Variants in OXR1 observed in about 807,000 individuals in gnomAD.
OXR1 encodes the protein oxidation resistance 1.
A neutral mutation model predicts 104.6 loss-of-function variants in OXR1; 41 were observed. The ratio of observed to expected loss-of-function variants is 0.39; its 90% confidence interval spans 0.31 to 0.51. OXR1 has a LOEUF of 0.51. Among genes scored for constraint, OXR1 ranks in the 20% least tolerant of loss-of-function variants. The probability of loss-of-function intolerance (pLI) is 0.77; values close to 1 mark genes in which losing one functional copy is unlikely to be tolerated. For synonymous variants in OXR1, 348 were observed against 348.4 expected (o/e 1.00, Z 0.01); for missense variants, 955 against 1,031.9 (o/e 0.93, Z 1.02).
chr8:106,366,492 A>G (rs908845005), intron 2 of OXR1, among the ~76,000 whole-genome samples: 1 of 152,256 alleles, frequency 6.6e-6, no homozygotes, highest in Non-Finnish European at 1.5e-5. Context: ...TACTTTCAGC[A>G]TGATCAAATA....
intron 2 of OXR1, among the ~76,000 whole-genome samples, chr8:106,482,690 A>G (rs965158): frequency 0.054 from 8,165 of 152,110 alleles, 292 homozygotes; most frequent in African/African-American, 0.091. Context: ...AGATATCCAT[A>G]GACTTAAATA....
Position 106,522,833 on chromosome 8 carries a change from G to A in OXR1, c.220+3694G>A, listed in dbSNP as rs374591706. The stretch of plus-strand genomic sequence containing the variant: ...GAAAGTACTGTATAAGTTTTCTATT[G>A]CTGTGAAACAAAATACCACAACGTT... On this transcript the variant is annotated intron_variant, in intron 3 of 16. Coordinates refer to ENST00000517566, the MANE Select transcript of OXR1 (RefSeq NM_001198533.2). 70 of 149,966 alleles carry A rather than the reference G, an allele frequency of 4.7e-4. 1 individual carries two copies. The highest frequency in any genetic ancestry group is 1.7e-3 in the African/African-American group (68 of 40,908). 9.3% of individuals were successfully genotyped at this position (149,966 alleles called of 1,614,324 possible).
intron 7 of OXR1, among the ~76,000 whole-genome samples, chr8:106,702,083 C>T (rs1204338231): frequency 2.0e-5 from 3 of 152,166 alleles, no homozygotes; most frequent in Non-Finnish European, 4.4e-5. Context: ...GATTTGCATG[C>T]CTAAGCCTCC....
chr8:106,434,944 G>C (rs1334379528), intron 2 of OXR1, among the ~76,000 whole-genome samples: 2 of 152,078 alleles, frequency 1.3e-5, no homozygotes, highest in African/African-American at 4.8e-5. Context: ...GCATCCCATG[G>C]TGAGATGACC....
chr8:106,362,056 C>T (rs1816269818), intron 2 of OXR1, among the ~76,000 whole-genome samples: 1 of 152,148 alleles, frequency 6.6e-6, no homozygotes, highest in African/African-American at 2.4e-5. Flanking sequence ...GAGGATCCAC[C>T]TGCTAAACAC....
At chr8:106,556,573 A>G (rs1340078725) in intron 3 of OXR1, among the ~76,000 whole-genome samples, 1 of 152,214 alleles carries the variant, frequency 6.6e-6, no homozygotes, top group Non-Finnish European at 1.5e-5. Context: ...TCTGGGAAAC[A>G]GGATTATAGA....
intron 2 of OXR1, among the ~76,000 whole-genome samples, chr8:106,454,522 T>G (rs987290451): frequency 1.3e-5 from 2 of 151,844 alleles, no homozygotes; most frequent in African/African-American, 4.8e-5. Context: ...TAATTTTATT[T>G]CAAGTTGCTG....
chr8:106,364,145 G>A (rs1229656067), intron 2 of OXR1, among the ~76,000 whole-genome samples: 2 of 152,020 alleles, frequency 1.3e-5, no homozygotes, highest in Non-Finnish European at 2.9e-5. Context: ...AGTTATTAAT[G>A]TTTTGACTAA....
intron 3 of OXR1, among the ~76,000 whole-genome samples, chr8:106,618,927 A>G (rs899137177): frequency 1.3e-5 from 2 of 152,008 alleles, no homozygotes; most frequent in Non-Finnish European, 2.9e-5. Flanking sequence ...CCAAAATAAC[A>G]TTATCATTAA....
intron 3 of OXR1, among the ~76,000 whole-genome samples, chr8:106,662,839 G>GATGAT (rs1825897957): frequency 2.0e-5 from 3 of 149,002 alleles, no homozygotes; most frequent in Admixed American, 6.7e-5. Context: ...TCAGTAAATG[G>GATGAT]GATGATGATG....
intron 2 of OXR1, among the ~76,000 whole-genome samples, chr8:106,383,048 G>C (rs1186214799): frequency 6.6e-6 from 1 of 151,732 alleles, no homozygotes; most frequent in African/African-American, 2.4e-5. Flanking sequence ...GGGGAGACTT[G>C]AAGAATATGA....
At chr8:106,296,695 C>A (rs1813010887) in intron 1 of OXR1, among the ~76,000 whole-genome samples, 1 of 152,136 alleles carries the variant, frequency 6.6e-6, no homozygotes, top group African/African-American at 2.4e-5. Context: ...TAAATATCAT[C>A]TCTGGCTGTC....
At chr8:106,728,625 TTATC>T (rs1462463368) in intron 11 of OXR1, among the ~76,000 whole-genome samples, 1 of 152,188 alleles carries the variant, frequency 6.6e-6, no homozygotes, top group Non-Finnish European at 1.5e-5. Flanking sequence ...TTAAGTTTTG[TTATC>T]TTTTATTTTT....
intron 3 of OXR1, among the ~76,000 whole-genome samples, chr8:106,589,232 C>G (rs1278197811): frequency 6.6e-6 from 1 of 152,016 alleles, no homozygotes; most frequent in Non-Finnish European, 1.5e-5. Context: ...GCCATTGTCT[C>G]AAGACACCCT....
rs1288359319 is a variant in OXR1 at position 106,706,461 on chromosome 8, A to G, written c.940A>G (p.Arg314Gly). Residue 314 changes from arginine (R) to glycine (G), a missense_variant, in exon 9 of 17, where the codon AGA (arginine) becomes GGA (glycine). This residue lies in a region of OXR1 where 849 missense variants were observed against 852.9 expected (regional missense o/e 1.00). Coordinates refer to ENST00000517566, the MANE Select transcript of OXR1 (RefSeq NM_001198533.2). ...TGSNTEEIDS[R>G]IRDAGNDSAS... Reference sequence around the variant, plus strand: ...AAGTAACACTGAGGAAATAGACTCAAGAATCCGAGATGCAGGTAATGATAG... The same window carrying G: ...AAGTAACACTGAGGAAATAGACTCAGGAATCCGAGATGCAGGTAATGATAG... The G allele has an allele frequency of 6.3e-7, 1 of 1,596,956 alleles. No individual in the cohort carries two copies. Among genetic ancestry groups the G allele is most frequent in the Non-Finnish European group, 8.5e-7 (1 of 1,175,672 alleles).
intron 3 of OXR1, among the ~76,000 whole-genome samples, chr8:106,583,342 A>G (rs932964475): frequency 1.3e-5 from 2 of 152,322 alleles, no homozygotes; most frequent in Non-Finnish European, 2.9e-5. Context: ...GCCTGATAGG[A>G]CAAACTTAAA....
At chr8:106,298,689 T>G (rs1298870803) in intron 1 of OXR1, among the ~76,000 whole-genome samples, 2 of 152,138 alleles carry the variant, frequency 1.3e-5, no homozygotes, top group African/African-American at 4.8e-5. Context: ...CATAGCTGAT[T>G]TGAGCTATAG....
intron 3 of OXR1, among the ~76,000 whole-genome samples, chr8:106,678,953 C>T (rs1183072700): frequency 3.3e-5 from 5 of 151,838 alleles, no homozygotes; most frequent in Non-Finnish European, 7.4e-5. Context: ...TAATGACTTC[C>T]TTTCTGTTGA....
At chr8:106,642,907 T>C (rs1406141372) in intron 3 of OXR1, among the ~76,000 whole-genome samples, 2 of 152,210 alleles carry the variant, frequency 1.3e-5, no homozygotes, top group African/African-American at 4.8e-5. Context: ...AACTAATATG[T>C]GGCATTGTTG....
Sources: gnomAD v4.1 joint callset for allele counts (sites outside exome capture counted in the v4.1 genomes callset) on GRCh38, gnomAD v4.1.1 for gene constraint, gnomAD v4.1.1 regional missense constraint, MANE v1.5 for transcripts, NCBI Gene and HGNC (gene_info 2026-07-23, HGNC 2026-07-21) for gene names.